Variants in SLCO2A1 observed in about 807,000 individuals in gnomAD.
SLCO2A1 encodes solute carrier organic anion transporter family member 2A1.
In SLCO2A1, 60 loss-of-function variants were observed where a neutral mutation model predicts 71.7. The observed-to-expected ratio is 0.84, with a 90% CI of 0.68 to 1.04. The LOEUF (loss-of-function observed/expected upper bound fraction) is 1.04, where lower values mean the gene tolerates loss of function less well. Ranked by LOEUF, SLCO2A1 falls within the 50% of genes least tolerant of loss-of-function variation. SLCO2A1 has a pLI of 0.00. For missense variants in SLCO2A1, 745 were observed against 813.4 expected (o/e 0.92, Z 1.02); for synonymous variants, 308 against 326.7 (o/e 0.94, Z 0.62).
In SLCO2A1 at chr3:133,955,181, C is replaced by A. The variant is rs202244173; in HGVS notation, c.410G>T (p.Arg137Leu). ...CTTCTGGCAGAGCTCGGCCTGCAAG[C>A]GGCTGTTGTTCCCTGCAACGAGAGT... ...YTLASTGNNS[R>L]LQAELCQKHW... The change falls in exon 4 of 14, where the codon CGC becomes CTC. Residue 137 changes from arginine (R) to leucine (L), a missense_variant. Transcript: ENST00000310926. The A allele has an allele frequency of 1.2e-6, 2 of 1,613,142 alleles. No individual in the cohort carries two copies. Among genetic ancestry groups the A allele is most frequent in the South Asian group, 1.1e-5 (1 of 90,918 alleles).
At chr3:133,938,554 A>C (rs1933333968) in intron 11 of SLCO2A1, 61 bp from the exon 12 acceptor site, 1 of 1,534,762 alleles carries the variant, frequency 6.5e-7, no homozygotes, top group Admixed American at 1.7e-5. Flanking sequence ...TCCCTTGGGT[A>C]AGGGGCAGCC....
chr3:134,018,164 A>C (rs1392373980), intron 1 of SLCO2A1, among the ~76,000 whole-genome samples: 1 of 145,084 alleles, frequency 6.9e-6, no homozygotes, highest in Non-Finnish European at 1.5e-5. Context: ...CAGGGGAAGC[A>C]GGCCTCTCAG....
In SLCO2A1 at chr3:134,013,900, C is replaced by A. The variant is rs542795201; in HGVS notation, c.96+15807G>T. On this transcript the variant is annotated intron_variant, in intron 1 of 13. Transcript: ENST00000310926. ...CCACATCCCCAGACATCTCCCCTCA[C>A]GCACCTTGTCCTACCCCTACATGGA... Among the ~76,000 whole-genome samples, 4 of 152,218 alleles carry A rather than the reference C, an allele frequency of 2.6e-5. No homozygotes were observed. The East Asian group carries it at 5.8e-4, about 22-fold the overall frequency.
rs914361225 is a variant in SLCO2A1, at chr3:133,945,769, C to A, written c.1296-509G>T. ...TCACTGGTTGATCTCACTGTTCCCA[C>A]TGTTCCCCGGTATCTGATATTCATG... On this transcript the variant is annotated intron_variant, in intron 9 of 13. Coordinates refer to ENST00000310926, the MANE Select transcript of SLCO2A1 (RefSeq NM_005630.3). Among the ~76,000 whole-genome samples the A allele has an allele frequency of 1.4e-4, 22 of 152,316 alleles. 1 individual carries two copies. Among genetic ancestry groups the A allele is most frequent in the African/African-American group, 2.6e-4 (11 of 41,578 alleles).
intron 3 of SLCO2A1, among the ~76,000 whole-genome samples, chr3:133,965,275 C>G (rs997387106): frequency 6.6e-6 from 1 of 152,194 alleles, no homozygotes; most frequent in African/African-American, 2.4e-5. Context: ...TTTGACAAAG[C>G]CTGTCATGAC....
At chr3:133,938,370 C>T in intron 12 of SLCO2A1, 59 bp downstream of exon 12, 5 of 1,434,274 alleles carry the variant, frequency 3.5e-6, no homozygotes, top group Non-Finnish European at 3.9e-6. Context: ...GCACCCATAG[C>T]CTTCAGATGC....
chr3:133,938,571 A>G (rs1490295130), intron 11 of SLCO2A1, 78 bp from the exon 12 acceptor site: 24 of 1,393,868 alleles, frequency 1.7e-5, no homozygotes, highest in Non-Finnish European at 2.4e-5. Flanking sequence ...AGCCAGCCTC[A>G]GAGCAGGTCA....
chr3:133,955,403 G>A (rs1046958585), intron 3 of SLCO2A1: 3 of 572,552 alleles, frequency 5.2e-6, no homozygotes, highest in South Asian at 2.2e-5. Context: ...AAAGAGAGGT[G>A]GAATGTGGGC....
chr3:133,996,836 AT>A (rs1934976424), intron 1 of SLCO2A1, among the ~76,000 whole-genome samples: 3 of 152,116 alleles, frequency 2.0e-5, no homozygotes, highest in Admixed American at 6.5e-5. Flanking sequence ...TTCCCTCCAC[AT>A]GGGAAAAAAG....
In SLCO2A1 at chr3:133,976,690, T is replaced by G. The variant is rs112746962; in HGVS notation, c.234+2791A>C. ...AGCCCCTAAAACACTACCATGGACT[T>G]GCTGTGAGACTCTTTGAAAGCTGTT... On this transcript the variant is annotated intron_variant, in intron 2 of 13. Coordinates refer to ENST00000310926, the MANE Select transcript of SLCO2A1 (RefSeq NM_005630.3). 5.2e-3 allele frequency among the ~76,000 whole-genome samples: 792 copies of G among 152,078 alleles called. 8 individuals carry two copies. Among genetic ancestry groups the G allele is most frequent in the African/African-American group, 0.018 (740 of 41,374 alleles).
At chr3:133,971,034 T>C (rs1263965926) in intron 3 of SLCO2A1, among the ~76,000 whole-genome samples, 1 of 152,230 alleles carries the variant, frequency 6.6e-6, no homozygotes, top group Non-Finnish European at 1.5e-5. Flanking sequence ...CTGCTCAGTG[T>C]GAGGCAAATG....
In SLCO2A1 at chr3:133,947,291, G is replaced by A; in HGVS notation, c.1260C>T (p.Cys420=). Residue 420 remains cysteine, a synonymous_variant, in exon 9 of 14, where the codon TGC becomes TGT. Transcript: ENST00000310926. ...AGACTTCGGCCACAGTTGGGGTGGAGCATCCCATGAAGAACAAAGGAACAC... is the reference window on the plus strand; with the variant it reads ...AGACTTCGGCCACAGTTGGGGTGGAACATCCCATGAAGAACAAAGGAACAC... The part of the protein sequence containing the change: ...ILCVPLFFMG[C]STPTVAEVYP... 1.2e-6 allele frequency: 2 copies of A among 1,614,200 alleles called. No individual in the cohort carries two copies. The highest frequency in any genetic ancestry group is 1.7e-6 in the Non-Finnish European group (2 of 1,180,036).
intron 3 of SLCO2A1, among the ~76,000 whole-genome samples, chr3:133,966,180 C>A (rs1934160039): frequency 6.6e-6 from 1 of 152,190 alleles, no homozygotes; most frequent in Admixed American, 6.5e-5. Flanking sequence ...GGGGACACAG[C>A]CACGCCCACT....
At chr3:133,946,606 C>G (rs985570768) in intron 9 of SLCO2A1, among the ~76,000 whole-genome samples, 1 of 152,238 alleles carries the variant, frequency 6.6e-6, no homozygotes, top group African/African-American at 2.4e-5. Context: ...TTCTAGCCAG[C>G]ACAGAGCTGA....
At chr3:133,949,023 C>A (rs756491949) in intron 6 of SLCO2A1, 52 bp from the exon 7 acceptor site, 1 of 1,493,462 alleles carries the variant, frequency 6.7e-7, no homozygotes, top group South Asian at 1.1e-5. Flanking sequence ...ACTGTAGCCA[C>A]CCTTCCCTGA....
rs1210167377 is a variant in SLCO2A1, at chr3:133,942,585, C to T, written c.1625+20G>A. 1 of 1,594,602 alleles carries T rather than the reference C, an allele frequency of 6.3e-7. No homozygotes were observed. The highest frequency in any genetic ancestry group is 8.6e-7 in the Non-Finnish European group (1 of 1,169,114). On this transcript the variant is annotated intron_variant, in intron 11 of 13. Transcript: ENST00000310926. The stretch of plus-strand genomic sequence containing the variant: ...GGAAGGAGAAGCCACGCCCCAGACT[C>T]ACAGAGGTTTGCCACTCACCGCAGA...
intron 3 of SLCO2A1, among the ~76,000 whole-genome samples, chr3:133,968,839 T>C (rs60721435): frequency 0.21 from 31,800 of 152,142 alleles, 4,058 homozygotes; most frequent in African/African-American, 0.37. Flanking sequence ...GATAGCTCGT[T>C]TTTTCTCTAA....
intron 11 of SLCO2A1, among the ~76,000 whole-genome samples, chr3:133,940,360 G>T (rs1933387053): frequency 6.6e-6 from 1 of 152,146 alleles, no homozygotes; most frequent in Non-Finnish European, 1.5e-5. Flanking sequence ...ATCGTTGTGG[G>T]ATCCTGGGGC....
At chr3:133,973,947 T>G (rs1934394232) in intron 2 of SLCO2A1, 122 bp from the exon 3 acceptor site, 2 of 986,072 alleles carry the variant, frequency 2.0e-6, no homozygotes, top group Non-Finnish European at 2.9e-6. Context: ...CAGTGTCAGC[T>G]GGGGCCCAGA....
Sources: gnomAD v4.1 joint callset for allele counts (sites outside exome capture counted in the v4.1 genomes callset) on GRCh38, gnomAD v4.1.1 for gene constraint, MANE v1.5 for transcripts, NCBI Gene and HGNC (gene_info 2026-07-23, HGNC 2026-07-21) for gene names.